Variants in PPP6R2 observed in about 807,000 individuals in gnomAD.
PPP6R2 encodes protein phosphatase 6 regulatory subunit 2, also known as serine/threonine-protein phosphatase 6 regulatory subunit 2.
Under a neutral mutation model 100.2 loss-of-function variants are expected in PPP6R2, and 62 were observed. The observed-to-expected ratio is 0.62, with a 90% CI of 0.50 to 0.76. The LOEUF is 0.76. PPP6R2 is among the 30% of genes least tolerant of loss of function. The probability of loss-of-function intolerance (pLI) is 0.00; values close to 1 mark genes in which losing one functional copy is unlikely to be tolerated. For synonymous variants in PPP6R2, 525 were observed against 514.7 expected (o/e 1.02, Z -0.27); for missense variants, 1,142 against 1,276.3 (o/e 0.89, Z 1.60).
the PPP6R2 span, among the ~76,000 whole-genome samples, chr22:50,332,418 AGC>A: frequency 6.6e-6 from 1 of 151,082 alleles, no homozygotes; most frequent in Non-Finnish European, 1.5e-5. Flanking sequence ...TTTTAGTAGA[AGC>A]GGGGTTTCAC....
At chr22:50,432,710 G>C (rs1359134718) in intron 12 of PPP6R2, among the ~76,000 whole-genome samples, 1 of 152,208 alleles carries the variant, frequency 6.6e-6, no homozygotes, top group African/African-American at 2.4e-5. Flanking sequence ...TCCATCTTCT[G>C]CTTAATGGGT....
intron 5 of PPP6R2, among the ~76,000 whole-genome samples, chr22:50,415,122 T>A (rs774104224): frequency 3.3e-5 from 5 of 152,240 alleles, no homozygotes; most frequent in African/African-American, 4.8e-5. Context: ...GGAGTGTGGA[T>A]GCGTCTGTTC....
In PPP6R2 at chr22:50,444,241, AGT is replaced by A. The variant is rs1457216304; in HGVS notation, c.2878_2879del (p.Ter960MetfsTer32). The A allele has an allele frequency of 1.2e-6, 2 of 1,612,816 alleles. No homozygotes were observed. The highest frequency in any genetic ancestry group is 1.7e-6 in the Non-Finnish European group (2 of 1,179,850). On this transcript the variant is annotated frameshift_variant, in exon 24 of 24. Transcript: ENST00000612753. LOFTEE classifies it high-confidence loss of function. ...CAGAAGGAGCTGCCTTAAATGGCCC[AGT>A]GTGATGCTGCTGCCGCCCGGCCACG... ...PPEGAALNGP[V>X]
chr22:50,428,146 T>A (rs1318560854), intron 10 of PPP6R2, among the ~76,000 whole-genome samples: 3 of 150,718 alleles, frequency 2.0e-5, no homozygotes, highest in Non-Finnish European at 4.5e-5. Flanking sequence ...TGAGCCACCG[T>A]GCCTGGCCCC....
chr22:50,337,835 T>G, the PPP6R2 span, among the ~76,000 whole-genome samples: 26 of 138,334 alleles, frequency 1.9e-4, no homozygotes, highest in Middle Eastern at 4.2e-3. Flanking sequence ...AGTGTGTGTG[T>G]GGGGTGTGTG....
Position 50,432,272 on chromosome 22 carries a change from A to G in PPP6R2, c.1343A>G (p.Gln448Arg). 6.5e-7 allele frequency: 1 copy of G among 1,549,970 alleles called. No homozygotes were observed. The highest frequency in any genetic ancestry group is 1.2e-5 in the South Asian group (1 of 84,022). The change falls in exon 12 of 24, where the codon CAG (glutamine) becomes CGG (arginine). Residue 448 changes from glutamine to arginine, a missense_variant. Coordinates refer to ENST00000612753, the MANE Select transcript of PPP6R2 (RefSeq NM_001242898.2). ...CCCTGCCCCGCCCCCCAGCTGTTCC[A>G]GAAGTGCTGCCTGGTGCAGAGGATC... Reference protein sequence around the residue: ...PDNTMVTHLFQKCCLVQRILE... With the variant: ...PDNTMVTHLFRKCCLVQRILE...
chr22:50,435,634 G>A (rs1446921703), intron 13 of PPP6R2, among the ~76,000 whole-genome samples: 1 of 152,212 alleles, frequency 6.6e-6, no homozygotes, highest in Non-Finnish European at 1.5e-5. Context: ...GTAAGGTGAG[G>A]AAGCTCTGGA....
At chr22:50,437,481 C>T (rs762363313) in intron 15 of PPP6R2, 25 bp from the exon 16 acceptor site, 2 of 547,228 alleles carry the variant, frequency 3.7e-6, no homozygotes, top group East Asian at 9.0e-5. Flanking sequence ...GTCTGTCCGT[C>T]CCTCCCTCCC....
chr22:50,389,998 C>A (rs903772148), intron 2 of PPP6R2, among the ~76,000 whole-genome samples: 4 of 137,570 alleles, frequency 2.9e-5, no homozygotes, highest in Admixed American at 1.5e-4. Context: ...CTTTTTTTTT[C>A]TTTTTTTTTT....
intron 1 of PPP6R2, among the ~76,000 whole-genome samples, chr22:50,365,192 G>A (rs992154584): frequency 9.9e-5 from 15 of 150,920 alleles, no homozygotes; most frequent in Admixed American, 5.3e-4. Context: ...CTGCCTCAGC[G>A]TCCCAAGTAG....
chr22:50,365,501 A>G (rs1386807233), intron 1 of PPP6R2, among the ~76,000 whole-genome samples: 1 of 151,344 alleles, frequency 6.6e-6, no homozygotes, highest in Non-Finnish European at 1.5e-5. Context: ...ACACGGTGAA[A>G]CCTCGTCTCT....
intron 1 of PPP6R2, among the ~76,000 whole-genome samples, chr22:50,353,036 C>T (rs2045666518): frequency 6.6e-6 from 1 of 152,202 alleles, no homozygotes; most frequent in East Asian, 1.9e-4. Context: ...TACATTCCAG[C>T]CTGGGCAACA....
chr22:50,397,637 G>A (rs1216611731), intron 3 of PPP6R2, among the ~76,000 whole-genome samples: 1 of 122,324 alleles, frequency 8.2e-6, no homozygotes, highest in Non-Finnish European at 1.6e-5. Flanking sequence ...GTCCTCACCA[G>A]CCTTGTCATC....
intron 3 of PPP6R2, among the ~76,000 whole-genome samples, chr22:50,405,829 T>C (rs1470162216): frequency 0.012 from 254 of 20,760 alleles, no homozygotes; most frequent in African/African-American, 0.038. Context: ...GCCTGGCAGG[T>C]GAGTGTGAAG....
At chr22:50,361,016 C>T (rs2047681325) in intron 1 of PPP6R2, among the ~76,000 whole-genome samples, 1 of 152,190 alleles carries the variant, frequency 6.6e-6, no homozygotes. Flanking sequence ...GACTGTCACT[C>T]ATCATCCTGT....
rs147507028 is a variant in PPP6R2 at position 50,417,713 on chromosome 22, G to A, written c.619-1154G>A. On this transcript the variant is annotated intron_variant, in intron 6 of 23. Transcript: ENST00000612753. ...GGAGGCCGCCCTGCCTGATGTTGGC[G>A]TCTGTAGGAAGCAAGGAGGCCGCCC... 2.7e-3 allele frequency among the ~76,000 whole-genome samples: 412 copies of A among 152,070 alleles called. 5 individuals carry two copies. The highest frequency in any genetic ancestry group is 0.013 in the Admixed American group (204 of 15,284).
chr22:50,438,148 A>T, intron 17 of PPP6R2, 26 bp from the exon 18 acceptor site: 4 of 1,599,150 alleles, frequency 2.5e-6, no homozygotes, highest in African/African-American at 2.7e-5. Context: ...CCCTCTGGAA[A>T]CTCACCTTGG....
At chr22:50,428,257 T>C (rs1054717009) in intron 10 of PPP6R2, among the ~76,000 whole-genome samples, 3 of 152,260 alleles carry the variant, frequency 2.0e-5, no homozygotes, top group African/African-American at 7.2e-5. Context: ...GATGCTGTCA[T>C]ATATAAAATT....
chr22:50,422,905 G>A (rs539098262), intron 9 of PPP6R2, among the ~76,000 whole-genome samples: 2 of 152,174 alleles, frequency 1.3e-5, no homozygotes, highest in Non-Finnish European at 2.9e-5. Flanking sequence ...TCCCACTAGC[G>A]AGCTCTGTGG....
Sources: gnomAD v4.1 joint callset for allele counts (sites outside exome capture counted in the v4.1 genomes callset) on GRCh38, gnomAD v4.1.1 for gene constraint, MANE v1.5 for transcripts, NCBI Gene and HGNC (gene_info 2026-07-23, HGNC 2026-07-21) for gene names.